ODR4: variants seen among roughly 807,000 people sequenced by gnomAD.
ODR4 encodes protein odr-4 homolog.
Under a neutral mutation model 60.2 loss-of-function variants are expected in ODR4, and 47 were observed. That is an observed-to-expected ratio of 0.78 (90% confidence interval 0.62 to 1.00). The LOEUF (loss-of-function observed/expected upper bound fraction) is 1.00. Among genes scored for constraint, ODR4 ranks in the 50% least tolerant of loss-of-function variants. ODR4 has a pLI of 0.00. For missense variants in ODR4, 488 were observed against 530.8 expected (o/e 0.92, Z 0.79); for synonymous variants, 178 against 175.5 (o/e 1.01, Z -0.11).
intron 12 of ODR4, among the ~76,000 whole-genome samples, chr1:186,410,233 GTAGTA>G (rs1202848221): frequency 2.0e-5 from 3 of 152,156 alleles, no homozygotes; most frequent in Non-Finnish European, 4.4e-5. Context: ...TAAGATTTGT[GTAGTA>G]TAGTATATTG....
At position 186,393,963 on chromosome 1, in the gene ODR4, G is replaced by T. The variant is rs568408642; in HGVS notation, c.728G>T (p.Gly243Val). The change falls in exon 9 of 14, where the codon GGA becomes GTA. Residue 243 changes from glycine to valine, a missense_variant. Gly to Val is a moderately radical substitution (Grantham distance 109). Transcript: ENST00000287859. Reference protein sequence around the residue: ...LLEGQKKSSRGNTQATSHSFD... With the variant: ...LLEGQKKSSRVNTQATSHSFD... Reference sequence around the variant, plus strand: ...TTTTTTCAGAAAAAATCTTCTAGAGGAAATACTCAAGCAACTAGTCATTCT... The same window carrying T: ...TTTTTTCAGAAAAAATCTTCTAGAGTAAATACTCAAGCAACTAGTCATTCT... 5.9e-6 allele frequency: 9 copies of T among 1,522,156 alleles called. No homozygotes were observed. The South Asian group carries it at 9.7e-5, about 16-fold the overall frequency. 94.3% of individuals were successfully genotyped at this position (1,522,156 alleles called of 1,614,324 possible). A position where few individuals can be genotyped will look rare whatever the true frequency, so the allele number is the denominator to read the frequency against.
At chr1:186,386,964 A>G (rs1055226426) in intron 4 of ODR4, among the ~76,000 whole-genome samples, 7 of 152,128 alleles carry the variant, frequency 4.6e-5, no homozygotes, top group African/African-American at 1.2e-4. Flanking sequence ...ACCCAAACCT[A>G]AGGTAGATTC....
intron 2 of ODR4, among the ~76,000 whole-genome samples, chr1:186,381,659 A>G (rs1030993729): frequency 6.6e-6 from 1 of 152,190 alleles, no homozygotes; most frequent in African/African-American, 2.4e-5. Context: ...TTTATGCTGT[A>G]GTATGTATTG....
intron 4 of ODR4, 133 bp from the exon 5 acceptor site, chr1:186,388,309 C>G: frequency 1.8e-6 from 1 of 551,208 alleles, no homozygotes. Flanking sequence ...TAGTGAGACC[C>G]CTTCTCCAAT....
At chr1:186,399,764 C>G (rs1660849006) in intron 11 of ODR4, among the ~76,000 whole-genome samples, 1 of 152,028 alleles carries the variant, frequency 6.6e-6, no homozygotes, top group South Asian at 2.1e-4. Context: ...ATAAACTACA[C>G]TAGTTTATAT....
intron 11 of ODR4, among the ~76,000 whole-genome samples, chr1:186,405,347 G>A (rs970942806): frequency 6.6e-6 from 1 of 152,060 alleles, no homozygotes; most frequent in Non-Finnish European, 1.5e-5. Context: ...ATGTAAGGTG[G>A]CCAGTAATTT....
Position 186,417,583 on chromosome 1 carries a change from A to G in ODR4, c.1226A>G (p.Asp409Gly). Residue 409 changes from aspartate (D) to glycine (G), a missense_variant, in exon 13 of 14, where the codon GAC (aspartate) becomes GGC (glycine). By Grantham distance (94) the Asp-to-Gly change is moderately conservative. Coordinates refer to ENST00000287859, the MANE Select transcript of ODR4 (RefSeq NM_017847.6). Reference protein sequence around the residue: ...SSSMNSQASLDNTDDEQPKQP... With the variant: ...SSSMNSQASLGNTDDEQPKQP... ...TCTATGAATAGTCAAGCTTCATTGG[A>G]CAACACAGATGATGAACAACCAAAA... The G allele has an allele frequency of 6.2e-7, 1 of 1,602,682 alleles. No homozygotes were observed. The highest frequency in any genetic ancestry group is 1.1e-5 in the South Asian group (1 of 89,220).
downstream of ODR4, among the ~76,000 whole-genome samples, chr1:186,422,212 A>C (rs1661802725): frequency 6.6e-6 from 1 of 152,148 alleles, no homozygotes; most frequent in Non-Finnish European, 1.5e-5. Flanking sequence ...ATATTAAATC[A>C]CAATAATTAG....
At chr1:186,411,436 G>A (rs902722840) in intron 12 of ODR4, among the ~76,000 whole-genome samples, 10 of 151,952 alleles carry the variant, frequency 6.6e-5, no homozygotes, top group African/African-American at 2.4e-4. Flanking sequence ...GTTTGCTTTT[G>A]CAAATAAATA....
chr1:186,411,049 T>C (rs1389262511), intron 12 of ODR4, among the ~76,000 whole-genome samples: 1 of 152,042 alleles, frequency 6.6e-6, no homozygotes, highest in Non-Finnish European at 1.5e-5. Flanking sequence ...ATTATTTCCC[T>C]TTTTTTATTC....
intron 12 of ODR4, among the ~76,000 whole-genome samples, chr1:186,414,309 ATCT>A (rs1661474804): frequency 6.6e-6 from 1 of 152,108 alleles, no homozygotes; most frequent in Admixed American, 6.6e-5. Flanking sequence ...TCAGAGTACG[ATCT>A]TCTAGAGCAT....
intron 9 of ODR4, among the ~76,000 whole-genome samples, chr1:186,396,720 T>TATAGATAGATAG (rs71104855): frequency 0.046 from 6,675 of 144,828 alleles, 164 homozygotes; most frequent in South Asian, 0.069. Context: ...ATGCCATAAT[T>TATAGATAGATAG]ATAGATAGAT....
chr1:186,399,178 G>A (rs1225822217), intron 11 of ODR4, 134 bp downstream of exon 11: 5 of 712,028 alleles, frequency 7.0e-6, no homozygotes, highest in East Asian at 2.9e-5. Context: ...TTTTATTATT[G>A]GATGAAAATT....
intron 12 of ODR4, among the ~76,000 whole-genome samples, chr1:186,414,345 A>G (rs1467710330): frequency 6.7e-6 from 1 of 149,226 alleles, no homozygotes; most frequent in East Asian, 2.0e-4. Flanking sequence ...TAATAATTCA[A>G]TATTAAATAT....
chr1:186,387,348 C>T (rs576563657), intron 4 of ODR4, among the ~76,000 whole-genome samples: 10 of 152,138 alleles, frequency 6.6e-5, no homozygotes, highest in African/African-American at 1.7e-4. Flanking sequence ...GAAATTTAAC[C>T]GAAATCTATG....
At chr1:186,407,397 C>T (rs1007038345) in intron 12 of ODR4, among the ~76,000 whole-genome samples, 12 of 152,052 alleles carry the variant, frequency 7.9e-5, no homozygotes, top group African/African-American at 2.2e-4. Context: ...TCTCTGCCAA[C>T]GAAACTTAGG....
chr1:186,400,389 C>T (rs1660890613), intron 11 of ODR4, among the ~76,000 whole-genome samples: 1 of 152,088 alleles, frequency 6.6e-6, no homozygotes. Flanking sequence ...CAGCAATTCT[C>T]CTGCCTCAGC....
At chr1:186,385,305 A>G (rs1217575394) in intron 3 of ODR4, among the ~76,000 whole-genome samples, 1 of 147,136 alleles carries the variant, frequency 6.8e-6, no homozygotes, top group Non-Finnish European at 1.5e-5. Flanking sequence ...TTCCAGATCT[A>G]GTATGCTGCT....
chr1:186,417,553 G>T lies in ODR4; in HGVS notation c.1196G>T (p.Ser399Ile). Residue 399 changes from serine to isoleucine, a missense_variant, in exon 13 of 14, where the codon AGT (serine) becomes ATT (isoleucine). Physicochemically the swap from Ser to Ile is moderately radical, Grantham distance 142. Transcript: ENST00000287859. ...IAEETNTACM[S>I]SSMNSQASLD... Reference sequence around the variant, plus strand: ...TATTATACCCTTTCAGCTTGTATGAGTTCTTCTATGAATAGTCAAGCTTCA... The same window carrying T: ...TATTATACCCTTTCAGCTTGTATGATTTCTTCTATGAATAGTCAAGCTTCA... The T allele has an allele frequency of 6.4e-7, 1 of 1,573,780 alleles. No individual in the cohort carries two copies. Among genetic ancestry groups the T allele is most frequent in the Non-Finnish European group, 8.7e-7 (1 of 1,152,034 alleles).
Sources: gnomAD v4.1 joint callset for allele counts (sites outside exome capture counted in the v4.1 genomes callset) on GRCh38, gnomAD v4.1.1 for gene constraint, MANE v1.5 for transcripts, NCBI Gene and HGNC (gene_info 2026-07-23, HGNC 2026-07-21) for gene names.